NDUFV3: variants seen among roughly 807,000 people sequenced by gnomAD.
NDUFV3 encodes NADH:ubiquinone oxidoreductase subunit V3, also known as NADH dehydrogenase [ubiquinone] flavoprotein 3, mitochondrial.
Under a neutral mutation model 37.5 loss-of-function variants are expected in NDUFV3, and 44 were observed. That is an observed-to-expected ratio of 1.17 (90% CI 0.92 to 1.51). The LOEUF (loss-of-function observed/expected upper bound fraction) is 1.51, where lower values mean the gene tolerates loss of function less well. NDUFV3 is among the 40% of genes most tolerant of loss of function. The pLI is 0.00. For synonymous variants in NDUFV3, 235 were observed against 239.3 expected, an observed-to-expected ratio of 0.98 and a Z score of 0.17; for missense variants, 580 against 580.4, an observed-to-expected ratio of 1.00 and a Z score of 0.01.
In NDUFV3 at chr21:42,906,565, T is replaced by C. The variant is rs191375379; in HGVS notation, c.1264+2289T>C. Among the ~76,000 whole-genome samples the C allele has an allele frequency of 9.2e-5, 14 of 152,356 alleles. No homozygotes were observed. In the East Asian group the frequency reaches 2.7e-3, roughly 29 times the overall value. On this transcript the variant is annotated intron_variant, in intron 3 of 3. Transcript: ENST00000354250. ...GAGACGAATAACACAACTCGCAGGA[T>C]AAAAACAGAATTGGGAGTTTTCAGA...
chr21:42,907,386 A>T, intron 3 of NDUFV3, among the ~76,000 whole-genome samples: 1 of 151,122 alleles, frequency 6.6e-6, no homozygotes, highest in East Asian at 1.9e-4. Context: ...AGTCTCAAGC[A>T]ATCCTCCCAC....
chr21:42,894,373 T>TATATAATATATATA (rs2058675020), intron 1 of NDUFV3, among the ~76,000 whole-genome samples: 1 of 32,328 alleles, frequency 3.1e-5, no homozygotes, highest in African/African-American at 5.5e-4. Flanking sequence ...TATATATATT[T>TATATAATATATATA]ATATAATATG....
intron 2 of NDUFV3, among the ~76,000 whole-genome samples, chr21:42,900,563 C>A (rs111288121): frequency 6.6e-6 from 1 of 152,130 alleles, no homozygotes; most frequent in East Asian, 1.9e-4. Flanking sequence ...TAAATGGATA[C>A]GTGCAGGCCC....
At position 42,904,247 on chromosome 21, in the gene NDUFV3, C is replaced by T. The variant is rs142786152; in HGVS notation, c.1235C>T (p.Ala412Val). ...AEGEAMEDAA[A>V]PGDDRGGTQE... ...GGCGAGGCCATGGAAGATGCAGCCG[C>T]GCCAGGGGACGACCGAGGCGGCACA... Residue 412 changes from alanine to valine, a missense_variant, in exon 3 of 4, where the codon GCG (alanine) becomes GTG (valine). Physicochemically the swap from Ala to Val is moderately conservative, Grantham distance 64 (BLOSUM62 0). Coordinates refer to ENST00000354250, the MANE Select transcript of NDUFV3 (RefSeq NM_021075.4). The T allele has an allele frequency of 2.2e-4, 359 of 1,608,440 alleles. 1 individual carries two copies. The highest frequency in any genetic ancestry group is 2.8e-4 in the Non-Finnish European group (331 of 1,177,400).
chr21:42,904,310 G>T (rs777500211), intron 3 of NDUFV3, 34 bp downstream of exon 3: 8 of 1,561,456 alleles, frequency 5.1e-6, no homozygotes, highest in Middle Eastern at 1.9e-4. Flanking sequence ...AGTGCACCCT[G>T]TCCCTTAGGG....
intron 3 of NDUFV3, among the ~76,000 whole-genome samples, chr21:42,908,122 C>A (rs538983190): frequency 5.2e-4 from 79 of 151,842 alleles, no homozygotes; most frequent in Non-Finnish European, 3.5e-4. Context: ...CCCTGGCCAA[C>A]ATGGTGAAAC....
chr21:42,913,033 C>A lies in NDUFV3; in HGVS notation c.*4012C>A, dbSNP rs2058777337. 1 of 152,170 alleles carries A rather than the reference C, an allele frequency of 6.6e-6. No individual in the cohort carries two copies. Among genetic ancestry groups the A allele is most frequent in the Non-Finnish European group, 1.5e-5 (1 of 68,062 alleles). 9.4% of individuals were successfully genotyped at this position (152,170 alleles called of 1,614,324 possible). ...GAGCCGAGATTGTGCCACTGCACTC[C>A]AGCCTGGGCGACAGAGCAAGACTCC... On this transcript the variant is annotated 3_prime_UTR_variant, in exon 4 of 4. Coordinates refer to ENST00000354250, the MANE Select transcript of NDUFV3 (RefSeq NM_021075.4).
At position 42,909,245 on chromosome 21, in the gene NDUFV3, G is replaced by A. The variant is rs1168901548; in HGVS notation, c.*224G>A. 2 of 459,352 alleles carry A rather than the reference G, an allele frequency of 4.4e-6. No homozygotes were observed. Among genetic ancestry groups the A allele is most frequent in the Non-Finnish European group, 7.9e-6 (2 of 253,104 alleles). The allele number at this position is 459,352 out of a possible 1,614,324, so 28.5% of individuals were successfully genotyped here. A position where few individuals can be genotyped will look rare whatever the true frequency, so the allele number is the denominator to read the frequency against. On this transcript the variant is annotated 3_prime_UTR_variant, in exon 4 of 4. Transcript: ENST00000354250. The stretch of plus-strand genomic sequence containing the variant: ...CAACTTCCGCCTCCTGGGTTCAAGT[G>A]ATTCTCCCACCTCAGCCTCCCAAGT...
chr21:42,897,091 G>C (rs761384345), intron 2 of NDUFV3, 44 bp downstream of exon 2: 13 of 1,608,200 alleles, frequency 8.1e-6, no homozygotes, highest in Admixed American at 6.7e-5. Context: ...AATGCAAAAA[G>C]AAAATAGATT....
intron 1 of NDUFV3, among the ~76,000 whole-genome samples, chr21:42,894,825 G>T (rs2058683809): frequency 6.6e-6 from 1 of 151,532 alleles, no homozygotes; most frequent in Non-Finnish European, 1.5e-5. Flanking sequence ...GAACATACAC[G>T]TTTTCATGTT....
chr21:42,908,285 A>G (rs62220800), intron 3 of NDUFV3, among the ~76,000 whole-genome samples: 4,672 of 152,016 alleles, frequency 0.031, 108 homozygotes, highest in East Asian at 0.1. Flanking sequence ...TCCAGCCTAG[A>G]CAACAGAGTG....
At chr21:42,904,491 CT>C (rs11321406) in intron 3 of NDUFV3, among the ~76,000 whole-genome samples, 17,555 of 125,502 alleles carry the variant, frequency 0.14, 687 homozygotes, top group East Asian at 0.25. Flanking sequence ...ATTTAACGTT[CT>C]TTTTTTTTTT....
At chr21:42,906,925 C>T (rs753349726) in intron 3 of NDUFV3, 29 of 510,620 alleles carry the variant, frequency 5.7e-5, no homozygotes, top group Non-Finnish European at 1.0e-4. Context: ...TTTTGCTTAA[C>T]GTAACTTAAA....
At chr21:42,906,226 C>T (rs559502370) in intron 3 of NDUFV3, among the ~76,000 whole-genome samples, 27 of 152,260 alleles carry the variant, frequency 1.8e-4, no homozygotes, top group African/African-American at 5.5e-4. Flanking sequence ...TGGGTCGTGG[C>T]AAACATGAAA....
intron 3 of NDUFV3, among the ~76,000 whole-genome samples, chr21:42,906,247 C>G (rs1257677653): frequency 6.6e-6 from 1 of 152,166 alleles, no homozygotes; most frequent in African/African-American, 2.4e-5. Flanking sequence ...AGGCAAGCTT[C>G]CGTTTTAGAA....
chr21:42,906,421 T>TC (rs747428034), intron 3 of NDUFV3, among the ~76,000 whole-genome samples: 4 of 152,018 alleles, frequency 2.6e-5, no homozygotes, highest in Admixed American at 1.3e-4. Context: ...CTATGTGTTT[T>TC]CCCCCCTCTC....
rs150508816 is a variant in NDUFV3, at chr21:42,908,879, C to T, written c.1280C>T (p.Pro427Leu). The T allele has an allele frequency of 2.5e-6, 4 of 1,614,088 alleles. No homozygotes were observed. In the African/African-American group the frequency reaches 5.3e-5, roughly 22 times the overall value. The part of the protein sequence containing the change: ...RGGTQEPAPV[P>L]AEPFDNTTYK... ...TCCTCCGCAGAGCCAGCCCCAGTGC[C>T]TGCTGAGCCGTTTGACAACACTACC... Residue 427 changes from proline to leucine, a missense_variant, in exon 4 of 4, where the codon CCT (proline) becomes CTT (leucine). Transcript: ENST00000354250.
intron 2 of NDUFV3, among the ~76,000 whole-genome samples, chr21:42,901,806 G>A (rs563806735): frequency 6.6e-6 from 1 of 152,176 alleles, no homozygotes; most frequent in Non-Finnish European, 1.5e-5. Flanking sequence ...GTCCACACAG[G>A]TGTCAGCGGA....
chr21:42,908,349 T>C (rs926779402), intron 3 of NDUFV3, among the ~76,000 whole-genome samples: 1 of 152,180 alleles, frequency 6.6e-6, no homozygotes, highest in Non-Finnish European at 1.5e-5. Context: ...ATTTCTTAAA[T>C]TGGAAGGCTG....
Sources: allele counts gnomAD v4.1 joint callset (sites outside exome capture counted in the v4.1 genomes callset), GRCh38; gene constraint gnomAD v4.1.1; transcripts MANE v1.5; gene names NCBI Gene and HGNC (gene_info 2026-07-23, HGNC 2026-07-21).